USP48: variants seen among roughly 807,000 people sequenced by gnomAD.
USP48 encodes ubiquitin carboxyl-terminal hydrolase 48.
In USP48, 43 loss-of-function variants were observed where a neutral mutation model predicts 150.7. The ratio of observed to expected loss-of-function variants is 0.29; its 90% CI spans 0.22 to 0.37. The LOEUF (loss-of-function observed/expected upper bound fraction) is 0.37. Ranked by LOEUF, USP48 falls within the 10% of genes least tolerant of loss-of-function variation. The pLI, the probability that USP48 is intolerant of heterozygous loss-of-function variation, is 1.00. For missense variants in USP48, 813 were observed against 1,249.6 expected, an observed-to-expected ratio of 0.65 and a Z score of 5.27; for synonymous variants, 396 against 425.9, an observed-to-expected ratio of 0.93 and a Z score of 0.86.
At chr1:21,694,808 T>C (rs1240232999) in intron 23 of USP48, among the ~76,000 whole-genome samples, 1 of 152,090 alleles carries the variant, frequency 6.6e-6, no homozygotes, top group African/African-American at 2.4e-5. Flanking sequence ...ACAGTTATCC[T>C]GGCACAACCT....
chr1:21,780,809 C>G (rs1572080009), intron 1 of USP48, among the ~76,000 whole-genome samples: 1 of 134,730 alleles, frequency 7.4e-6, no homozygotes, highest in Admixed American at 8.3e-5. Flanking sequence ...GTGGCGTGAT[C>G]TCGGCTCACC....
At position 21,678,992 on chromosome 1, in the gene USP48, C is replaced by T. The variant is rs745732968; in HGVS notation, c.*425G>A. ...AGGTTATGTCTCTAAAATTACTTTT[C>T]GTTCAGAGCAGAATGTTGTCCCATC... On this transcript the variant is annotated 3_prime_UTR_variant, in exon 27 of 27. Transcript: ENST00000308271. 3.7e-5 allele frequency: 8 copies of T among 213,960 alleles called. No homozygotes were observed. Among genetic ancestry groups the T allele is most frequent in the South Asian group, 7.4e-5 (1 of 13,490 alleles). 13.3% of individuals were successfully genotyped at this position (213,960 alleles called of 1,614,324 possible).
intron 1 of USP48, among the ~76,000 whole-genome samples, chr1:21,780,464 G>A (rs905295697): frequency 6.6e-6 from 1 of 152,144 alleles, no homozygotes; most frequent in Non-Finnish European, 1.5e-5. Flanking sequence ...TCTGGAACCA[G>A]ACAGTGGTGA....
At chr1:21,759,137 G>C (rs13376157) in intron 1 of USP48, among the ~76,000 whole-genome samples, 16,490 of 136,662 alleles carry the variant, frequency 0.12, 1,125 homozygotes, top group African/African-American at 0.19. Context: ...AGCCAAGATC[G>C]TGCCACTGCA....
chr1:21,682,666 C>T (rs2097569289), intron 25 of USP48, among the ~76,000 whole-genome samples: 2 of 151,982 alleles, frequency 1.3e-5, no homozygotes, highest in East Asian at 1.9e-4. Context: ...CATGAGGTCA[C>T]GAGTTCCAGA....
At chr1:21,724,955 T>C (rs1196266415) in intron 11 of USP48, 1 of 152,102 alleles carries the variant, frequency 6.6e-6, no homozygotes, top group Non-Finnish European at 1.5e-5. Context: ...GAAGAAAACA[T>C]ACAGAGGTTG....
chr1:21,759,315 G>A (rs768063096), intron 1 of USP48, among the ~76,000 whole-genome samples: 6 of 151,928 alleles, frequency 3.9e-5, no homozygotes, highest in Non-Finnish European at 8.8e-5. Context: ...GGGAGAGGGA[G>A]GGGGTGTGAC....
At chr1:21,706,368 T>C in intron 17 of USP48, 99 bp downstream of exon 17, 1 of 1,557,996 alleles carries the variant, frequency 6.4e-7, no homozygotes, top group Non-Finnish European at 8.7e-7. Context: ...CAAATGAGAA[T>C]ATGAGAAGTT....
intron 12 of USP48, among the ~76,000 whole-genome samples, chr1:21,721,969 CAAT>C (rs1435863948): frequency 6.6e-6 from 1 of 151,936 alleles, no homozygotes; most frequent in African/African-American, 2.4e-5. Context: ...GAATAAAGAA[CAAT>C]GAGAGACAAA....
chr1:21,721,858 T>C, intron 12 of USP48, 94 bp from the exon 13 acceptor site: 1 of 859,690 alleles, frequency 1.2e-6, no homozygotes, highest in Non-Finnish European at 1.7e-6. Flanking sequence ...ACAGACACAT[T>C]CTAAACCAAA....
intron 1 of USP48, among the ~76,000 whole-genome samples, chr1:21,771,195 G>A (rs2097879103): frequency 6.6e-6 from 1 of 151,782 alleles, no homozygotes; most frequent in South Asian, 2.1e-4. Flanking sequence ...CCAACGTGGT[G>A]AAACCCCGTC....
chr1:21,692,775 G>A (rs1465968854), intron 23 of USP48, among the ~76,000 whole-genome samples: 1 of 152,180 alleles, frequency 6.6e-6, no homozygotes, highest in Non-Finnish European at 1.5e-5. Flanking sequence ...CAGGGGGACA[G>A]TCAGTTCCAT....
intron 8 of USP48, among the ~76,000 whole-genome samples, chr1:21,746,431 C>T (rs1168483182): frequency 2.6e-5 from 4 of 152,004 alleles, no homozygotes; most frequent in Non-Finnish European, 5.9e-5. Context: ...GCCTAGGCAA[C>T]AGAGCAAGAC....
intron 15 of USP48, among the ~76,000 whole-genome samples, chr1:21,714,468 G>C (rs2097698944): frequency 6.6e-6 from 1 of 152,008 alleles, no homozygotes; most frequent in Admixed American, 6.6e-5. Flanking sequence ...TTGCTGTGTT[G>C]CCCAGACTGG....
At chr1:21,716,783 C>A (rs1176203890) in intron 14 of USP48, among the ~76,000 whole-genome samples, 2 of 152,196 alleles carry the variant, frequency 1.3e-5, no homozygotes, top group South Asian at 2.1e-4. Context: ...AATACCAGCA[C>A]TTTGGGAGGC....
chr1:21,723,451 T>C (rs947344747), intron 12 of USP48, among the ~76,000 whole-genome samples: 2 of 151,440 alleles, frequency 1.3e-5, no homozygotes, highest in East Asian at 1.9e-4. Context: ...GAGGCGAAGG[T>C]TGCAGTGAGT....
intron 14 of USP48, among the ~76,000 whole-genome samples, chr1:21,716,680 G>A (rs1409762370): frequency 6.6e-6 from 1 of 152,134 alleles, no homozygotes; most frequent in African/African-American, 2.4e-5. Context: ...TCAATTTATA[G>A]TTGTATATAC....
intron 23 of USP48, among the ~76,000 whole-genome samples, chr1:21,691,910 A>T (rs575350291): frequency 3.9e-5 from 6 of 152,192 alleles, no homozygotes; most frequent in Admixed American, 2.0e-4. Context: ...CTTATATTAC[A>T]CCAACACCCA....
chr1:21,702,240 A>C (rs2097659164), intron 21 of USP48, among the ~76,000 whole-genome samples: 1 of 152,194 alleles, frequency 6.6e-6, no homozygotes, highest in Non-Finnish European at 1.5e-5. Flanking sequence ...CTTGGCCTCC[A>C]GGGCATAATT....
Sources: gnomAD v4.1 joint callset for allele counts (sites outside exome capture counted in the v4.1 genomes callset) on GRCh38, gnomAD v4.1.1 for gene constraint, MANE v1.5 for transcripts, NCBI Gene and HGNC (gene_info 2026-07-23, HGNC 2026-07-21) for gene names.